The following PCDHA3 variants were observed in gnomAD, a reference collection of about 807,000 sequenced individuals.
PCDHA3 encodes the protein protocadherin alpha-3.
A neutral mutation model predicts 62.2 loss-of-function variants in PCDHA3; 41 were observed. The observed-to-expected ratio is 0.66, with a 90% CI of 0.51 to 0.86. PCDHA3 has a LOEUF of 0.86. Among genes scored for constraint, PCDHA3 ranks in the 40% least tolerant of loss-of-function variants. The pLI is 0.00. For missense variants in PCDHA3, 1,304 were observed against 1,241.2 expected (o/e 1.05, Z -0.76); for synonymous variants, 640 against 555.4 (o/e 1.15, Z -2.14).
intron 1 of PCDHA3, among the ~76,000 whole-genome samples, chr5:140,896,201 C>G (rs1583224545): frequency 6.6e-6 from 1 of 152,344 alleles, no homozygotes; most frequent in African/African-American, 2.4e-5. Context: ...CCATGATGAA[C>G]ATACACATAC....
At chr5:140,926,789 G>C in intron 1 of PCDHA3, 1 of 1,432,318 alleles carries the variant, frequency 7.0e-7, no homozygotes, top group Non-Finnish European at 9.1e-7. Context: ...CGGCCGGCAG[G>C]AGCGTGCTCT....
intron 1 of PCDHA3, chr5:140,967,384 G>A (rs1422023127): frequency 2.5e-6 from 4 of 1,609,080 alleles, no homozygotes; most frequent in Non-Finnish European, 3.4e-6. Flanking sequence ...ACAGTAAAGT[G>A]CTTGAGCTGG....
At chr5:140,927,167 C>G in intron 1 of PCDHA3, 3 of 1,614,164 alleles carry the variant, frequency 1.9e-6, no homozygotes, top group Non-Finnish European at 2.5e-6. Flanking sequence ...GCCAAAGCTG[C>G]CTGCGTCTTG....
At chr5:140,850,843 CA>C in intron 1 of PCDHA3, 1 of 1,597,346 alleles carries the variant, frequency 6.3e-7, no homozygotes, top group Non-Finnish European at 8.6e-7. Flanking sequence ...GCTGGATCTA[CA>C]GAGCGAACGG....
chr5:140,833,154 TA>T (rs1772333150), intron 1 of PCDHA3, among the ~76,000 whole-genome samples: 1 of 152,084 alleles, frequency 6.6e-6, no homozygotes, highest in Admixed American at 6.6e-5. Context: ...GCAATACGAA[TA>T]AAAAGTATTA....
rs557035841 is a variant in PCDHA3, at chr5:140,907,537, A to G, written c.2395-71412A>G. On this transcript the variant is annotated intron_variant, in intron 1 of 3. Coordinates refer to ENST00000522353, the MANE Select transcript of PCDHA3 (RefSeq NM_018906.3). ...GTGAGGACAAATCGCTGCCCTTTCT[A>G]TGATGGAAGAGGTCCAATATAATCA... 7.9e-5 allele frequency among the ~76,000 whole-genome samples: 12 copies of G among 152,370 alleles called. No homozygotes were observed. The South Asian group carries it at 1.2e-3, about 16-fold the overall frequency.
intron 1 of PCDHA3, chr5:140,876,023 C>CA: frequency 1.9e-6 from 3 of 1,612,330 alleles, no homozygotes; most frequent in Non-Finnish European, 2.5e-6. Context: ...AAAATAAAAA[C>CA]AAAAAAAGAT....
At chr5:140,863,049 G>A (rs781969311) in intron 1 of PCDHA3, 1 of 561,608 alleles carries the variant, frequency 1.8e-6, no homozygotes, top group Non-Finnish European at 3.5e-6. Flanking sequence ...TCAGCTGGCA[G>A]CACCCGTTCC....
intron 1 of PCDHA3, chr5:140,843,119 G>C (rs2150353177): frequency 6.3e-7 from 1 of 1,595,872 alleles, no homozygotes; most frequent in South Asian, 1.1e-5. Flanking sequence ...AGTGGACGCC[G>C]ACTCGGGCTA....
intron 1 of PCDHA3, among the ~76,000 whole-genome samples, chr5:140,940,230 T>C (rs1554213224): frequency 6.6e-6 from 1 of 152,212 alleles, no homozygotes; most frequent in Non-Finnish European, 1.5e-5. Flanking sequence ...TTCATTTTGG[T>C]ACATTAAAGT....
intron 3 of PCDHA3, 79 bp downstream of exon 3, chr5:140,982,642 G>T: frequency 6.5e-7 from 1 of 1,529,982 alleles, no homozygotes; most frequent in Non-Finnish European, 8.8e-7. Flanking sequence ...GATCAGGAAT[G>T]TTGATGGCTC....
At chr5:140,887,539 C>T in intron 1 of PCDHA3, among the ~76,000 whole-genome samples, 1 of 152,082 alleles carries the variant, frequency 6.6e-6, no homozygotes, top group East Asian at 1.9e-4. Flanking sequence ...CCTCTCCCCA[C>T]CCCTCATGGT....
chr5:140,981,691 T>C (rs1370541525), intron 2 of PCDHA3, among the ~76,000 whole-genome samples: 1 of 150,826 alleles, frequency 6.6e-6, no homozygotes, highest in East Asian at 2.1e-4. Flanking sequence ...CCTTCCATCA[T>C]TCATTCATTC....
At chr5:140,809,015 G>C in intron 1 of PCDHA3, 1 of 1,613,710 alleles carries the variant, frequency 6.2e-7, no homozygotes, top group Non-Finnish European at 8.5e-7. Flanking sequence ...GCTTTCGTAC[G>C]AGCTGCAGCC....
chr5:140,926,373 G>A (rs1040164585), intron 1 of PCDHA3: 3 of 152,370 alleles, frequency 2.0e-5, no homozygotes, highest in African/African-American at 4.8e-5. Context: ...GGCAGGAAGA[G>A]CCCAGCTGGG....
At chr5:140,863,396 G>A (rs782335492) in intron 1 of PCDHA3, 12 of 872,454 alleles carry the variant, frequency 1.4e-5, no homozygotes, top group South Asian at 8.9e-5. Context: ...TGCATGCCGG[G>A]CAAGCCCACG....
chr5:140,828,658 T>G, intron 1 of PCDHA3: 2 of 1,614,116 alleles, frequency 1.2e-6, no homozygotes, highest in Non-Finnish European at 1.7e-6. Flanking sequence ...GTGATGACAA[T>G]AAACAAATTG....
rs2150408028 is a variant in PCDHA3, at chr5:140,848,285, C to G, written c.2394+44694C>G. 1.1e-4 allele frequency: 65 copies of G among 617,022 alleles called. 3 individuals carry two copies. The South Asian group carries it at 1.4e-3, about 14-fold the overall frequency. The allele number at this position is 617,022 out of a possible 1,614,324, so 38.2% of individuals were successfully genotyped here. On this transcript the variant is annotated intron_variant, in intron 1 of 3. Transcript: ENST00000522353. The stretch of plus-strand genomic sequence containing the variant: ...TTTATTCATGAAATATGTACTTACA[C>G]TTTGGGCCACGTGATGTCACTCTTT...
At chr5:140,858,451 T>C in intron 1 of PCDHA3, 1 of 1,531,552 alleles carries the variant, frequency 6.5e-7, no homozygotes, top group East Asian at 2.4e-5. Context: ...GTTATTACGT[T>C]TTCATTTTCC....
Sources: gnomAD v4.1 joint callset for allele counts (sites outside exome capture counted in the v4.1 genomes callset) on GRCh38, gnomAD v4.1.1 for gene constraint, MANE v1.5 for transcripts, NCBI Gene and HGNC (gene_info 2026-07-23, HGNC 2026-07-21) for gene names.